SPAG17: variants seen among roughly 807,000 people sequenced by gnomAD.
SPAG17 encodes sperm-associated antigen 17.
A neutral mutation model predicts 273.6 loss-of-function variants in SPAG17; 169 were observed. The observed-to-expected ratio is 0.62, with a 90% CI of 0.55 to 0.70. The LOEUF is 0.70. SPAG17 is among the 30% of genes least tolerant of loss of function. The probability of loss-of-function intolerance (pLI) is 0.00; values close to 1 mark genes in which losing one functional copy is unlikely to be tolerated. For synonymous variants in SPAG17, 825 were observed against 873.2 expected, an observed-to-expected ratio of 0.94 and a Z score of 0.97; for missense variants, 2,557 against 2,627.8, an observed-to-expected ratio of 0.97 and a Z score of 0.59.
At chr1:118,020,421 T>A in intron 28 of SPAG17, among the ~76,000 whole-genome samples, 1 of 148,670 alleles carries the variant, frequency 6.7e-6, no homozygotes. Context: ...GGCAACAGAG[T>A]GACACTGTGT....
At chr1:118,100,027 C>T (rs1210266625) in intron 5 of SPAG17, among the ~76,000 whole-genome samples, 3 of 152,108 alleles carry the variant, frequency 2.0e-5, no homozygotes, top group African/African-American at 4.8e-5. Flanking sequence ...TTTGCAAATG[C>T]GACATAGGCG....
chr1:118,071,223 A>C (rs1425521639), intron 17 of SPAG17, among the ~76,000 whole-genome samples: 3 of 152,132 alleles, frequency 2.0e-5, no homozygotes, highest in African/African-American at 4.8e-5. Context: ...ACAATATTAT[A>C]TATTACCCTC....
At chr1:118,147,089 A>G (rs1298815923) in intron 3 of SPAG17, among the ~76,000 whole-genome samples, 1 of 152,126 alleles carries the variant, frequency 6.6e-6, no homozygotes, top group Non-Finnish European at 1.5e-5. Context: ...CTATTATTGA[A>G]TGCCTACCAC....
intron 3 of SPAG17, among the ~76,000 whole-genome samples, chr1:118,118,821 A>G (rs1312527021): frequency 6.6e-6 from 1 of 152,218 alleles, no homozygotes; most frequent in Admixed American, 6.5e-5. Flanking sequence ...TTTTTCTGTT[A>G]GGGAGCTTGT....
intron 18 of SPAG17, among the ~76,000 whole-genome samples, chr1:118,056,533 T>C (rs1651692477): frequency 6.6e-6 from 1 of 152,242 alleles, no homozygotes; most frequent in African/African-American, 2.4e-5. Context: ...TTATACTGAC[T>C]AGTGTAATTA....
At chr1:118,127,892 G>A (rs1657828733) in intron 3 of SPAG17, among the ~76,000 whole-genome samples, 1 of 152,136 alleles carries the variant, frequency 6.6e-6, no homozygotes, top group South Asian at 2.1e-4. Context: ...GGGAGGCCAA[G>A]GTGGGTGGAT....
At chr1:118,181,521 A>T (rs560416209) in intron 1 of SPAG17, among the ~76,000 whole-genome samples, 2 of 152,242 alleles carry the variant, frequency 1.3e-5, no homozygotes, top group South Asian at 4.1e-4. Flanking sequence ...ATTACACACA[A>T]AAAAAGACTT....
At chr1:118,106,679 T>C (rs1003905331) in intron 4 of SPAG17, among the ~76,000 whole-genome samples, 1 of 152,256 alleles carries the variant, frequency 6.6e-6, no homozygotes, top group Non-Finnish European at 1.5e-5. Context: ...GGTGATCTTT[T>C]GATCTAAAAA....
In SPAG17 at chr1:118,036,823, T is replaced by C. The variant is rs777870738; in HGVS notation, c.3380A>G (p.Glu1127Gly). 6 of 1,561,692 alleles carry C rather than the reference T, an allele frequency of 3.8e-6. No homozygotes were observed. The South Asian group carries it at 4.7e-5, about 12-fold the overall frequency. Reference protein sequence around the residue: ...SKFGSFSATLENGICLSISYY... With the variant: ...SKFGSFSATLGNGICLSISYY... ...ACTTATCGAGAGGCAGATTCCATTT[T>C]CTAAGGTGGCAGAAAAAGATCCAAA... The change falls in exon 24 of 49, where the codon GAA becomes GGA. Residue 1127 changes from glutamate (E) to glycine (G), a missense_variant. Coordinates refer to ENST00000336338, the MANE Select transcript of SPAG17 (RefSeq NM_206996.4).
intron 20 of SPAG17, among the ~76,000 whole-genome samples, chr1:118,049,030 A>G (rs1009343659): frequency 2.0e-5 from 3 of 152,256 alleles, no homozygotes; most frequent in Non-Finnish European, 4.4e-5. Flanking sequence ...CTGAGTCATG[A>G]AGAAATACAA....
chr1:117,954,143 T>A, intron 48 of SPAG17, 94 bp from the exon 49 acceptor site: 1 of 1,521,160 alleles, frequency 6.6e-7, no homozygotes, highest in Non-Finnish European at 9.0e-7. Context: ...TAAAGGGAAT[T>A]CCCAAGGAGA....
At chr1:117,954,482 C>T in intron 48 of SPAG17, 1 of 1,258,898 alleles carries the variant, frequency 7.9e-7, no homozygotes, top group Non-Finnish European at 1.1e-6. Context: ...TCTTTTTTCC[C>T]TTTTCAAAAT....
chr1:117,990,757 C>G (rs1305375161), intron 38 of SPAG17, 104 bp downstream of exon 38: 1 of 702,028 alleles, frequency 1.4e-6, no homozygotes, highest in African/African-American at 1.9e-5. Context: ...GAGATATGTA[C>G]ATGGTGTCTT....
At chr1:118,089,319 C>T (rs1655215192) in intron 10 of SPAG17, among the ~76,000 whole-genome samples, 1 of 56,872 alleles carries the variant, frequency 1.8e-5, no homozygotes, top group Non-Finnish European at 3.7e-5. Context: ...AACCAGAAGG[C>T]CTATGTAGAT....
intron 18 of SPAG17, among the ~76,000 whole-genome samples, chr1:118,063,757 C>T (rs1652619721): frequency 6.6e-6 from 1 of 152,116 alleles, no homozygotes; most frequent in Admixed American, 6.5e-5. Flanking sequence ...AACTAAAGAG[C>T]TTCTGCACAG....
In SPAG17 at chr1:118,003,625, T is replaced by C. The variant is rs1288560742; in HGVS notation, c.4776+1789A>G. Among the ~76,000 whole-genome samples the C allele has an allele frequency of 2.0e-5, 3 of 152,362 alleles. No individual in the cohort carries two copies. In the East Asian group the frequency reaches 5.8e-4, roughly 29 times the overall value. On this transcript the variant is annotated intron_variant, in intron 32 of 48. Coordinates refer to ENST00000336338, the MANE Select transcript of SPAG17 (RefSeq NM_206996.4). Reference sequence around the variant, plus strand: ...CAAATCAGCTATTGAAGCTTGTGCATGTGTCATGAAGTTCTCATGTCATGG... The same window carrying C: ...CAAATCAGCTATTGAAGCTTGTGCACGTGTCATGAAGTTCTCATGTCATGG...
intron 1 of SPAG17, among the ~76,000 whole-genome samples, chr1:118,181,651 T>A (rs1297023633): frequency 6.6e-6 from 1 of 152,056 alleles, no homozygotes; most frequent in Non-Finnish European, 1.5e-5. Flanking sequence ...ACAGCTATTA[T>A]TAAAAAATCA....
chr1:118,057,355 C>A (rs1333327921), intron 18 of SPAG17, among the ~76,000 whole-genome samples: 1 of 152,044 alleles, frequency 6.6e-6, no homozygotes, highest in Admixed American at 6.6e-5. Context: ...CTACCCTGGG[C>A]CCCCAAAGTA....
At chr1:118,083,660 C>A (rs942879289) in intron 13 of SPAG17, among the ~76,000 whole-genome samples, 1 of 152,106 alleles carries the variant, frequency 6.6e-6, no homozygotes, top group African/African-American at 2.4e-5. Context: ...TGGCGTGCGC[C>A]TGTAATCCCA....
Sources: allele counts gnomAD v4.1 joint callset (sites outside exome capture counted in the v4.1 genomes callset), GRCh38; gene constraint gnomAD v4.1.1; transcripts MANE v1.5; gene names NCBI Gene and HGNC (gene_info 2026-07-23, HGNC 2026-07-21).